Variants in FUT8 observed in about 807,000 individuals in gnomAD.
FUT8 encodes the protein fucosyltransferase 8.
A neutral mutation model predicts 71.3 loss-of-function variants in FUT8; 29 were observed. That is an observed-to-expected ratio of 0.41 (90% CI 0.30 to 0.55). The LOEUF is 0.55. Ranked by LOEUF, FUT8 falls within the 20% of genes least tolerant of loss-of-function variation. The probability of loss-of-function intolerance (pLI) is 0.34; values close to 1 mark genes in which losing one functional copy is unlikely to be tolerated. For missense variants in FUT8, 544 were observed against 702.1 expected (o/e 0.77, Z 2.55); for synonymous variants, 254 against 239.3 (o/e 1.06, Z -0.57).
intron 7 of FUT8, among the ~76,000 whole-genome samples, chr14:65,674,724 T>C (rs1035645566): frequency 6.6e-6 from 1 of 152,226 alleles, no homozygotes; most frequent in African/African-American, 2.4e-5. Flanking sequence ...TCAACATACC[T>C]AAGATAGAAG....
At chr14:65,456,871 C>CAA (rs1212475205) in intron 2 of FUT8, among the ~76,000 whole-genome samples, 34 of 100,808 alleles carry the variant, frequency 3.4e-4, no homozygotes, top group African/African-American at 9.2e-4. Flanking sequence ...GACTCTGTCT[C>CAA]AAAAAAAAAA....
intron 5 of FUT8, among the ~76,000 whole-genome samples, chr14:65,623,572 C>T (rs1189183602): frequency 3.9e-5 from 6 of 151,918 alleles, no homozygotes; most frequent in South Asian, 4.2e-4. Context: ...AAAAAAAGCT[C>T]GTCAGGCATG....
the FUT8 span, among the ~76,000 whole-genome samples, chr14:65,401,895 T>TAAAAAAAAAA: frequency 9.5e-6 from 1 of 105,266 alleles, no homozygotes; most frequent in Non-Finnish European, 1.9e-5. Context: ...AGACCCTGTC[T>TAAAAAAAAAA]AAAAAAAAAA....
chr14:65,553,075 C>A (rs1322705503), intron 2 of FUT8, among the ~76,000 whole-genome samples: 1 of 152,168 alleles, frequency 6.6e-6, no homozygotes, highest in Non-Finnish European at 1.5e-5. Flanking sequence ...CCCACCTCAG[C>A]CTCCCAAGGA....
chr14:65,577,412 T>C (rs1466517256), intron 3 of FUT8, among the ~76,000 whole-genome samples: 1 of 152,100 alleles, frequency 6.6e-6, no homozygotes, highest in Non-Finnish European at 1.5e-5. Context: ...AAAAAAGTCG[T>C]GTAAGGGGGC....
chr14:65,738,732 G>T (rs773263392), intron 10 of FUT8, among the ~76,000 whole-genome samples: 3 of 152,030 alleles, frequency 2.0e-5, no homozygotes, highest in Non-Finnish European at 4.4e-5. Context: ...GACTAAATGC[G>T]AACATTAACA....
chr14:65,399,046 C>T, the FUT8 span, among the ~76,000 whole-genome samples: 2 of 152,048 alleles, frequency 1.3e-5, no homozygotes, highest in African/African-American at 2.4e-5. Context: ...GAGCCGGGAA[C>T]GGTGGCTCAC....
At chr14:65,595,722 C>A (rs1187141067) in intron 3 of FUT8, among the ~76,000 whole-genome samples, 1 of 150,514 alleles carries the variant, frequency 6.6e-6, no homozygotes, top group African/African-American at 2.5e-5. Context: ...TGTTCTCCTG[C>A]CTCAGCCTCC....
intron 2 of FUT8, among the ~76,000 whole-genome samples, chr14:65,481,697 A>C (rs117111260): frequency 2.0e-5 from 3 of 151,566 alleles, no homozygotes; most frequent in Admixed American, 1.3e-4. Flanking sequence ...GTTTTTTTTT[A>C]AAATGGAACT....
the FUT8 span, among the ~76,000 whole-genome samples, chr14:65,360,503 T>C: frequency 6.6e-6 from 1 of 152,270 alleles, no homozygotes; most frequent in East Asian, 1.9e-4. Context: ...AGGACTGGCC[T>C]ATTAAAGGCA....
rs1239022072 is a variant in FUT8, at chr14:65,550,039, T to A, written c.-227-11298T>A. On this transcript the variant is annotated intron_variant, in intron 2 of 10. Transcript: ENST00000673929. This position sits in a 1 kb window ranked among gnomAD's most constrained non-coding sequence, Gnocchi z 4.5. Reference sequence around the variant, plus strand: ...TCTCGCCACTGCACTCCAGCCTGGGTGACAGAGCGAGACTCTGTCTAAAAA... The same window carrying A: ...TCTCGCCACTGCACTCCAGCCTGGGAGACAGAGCGAGACTCTGTCTAAAAA... Among the ~76,000 whole-genome samples, 1 of 152,066 alleles carries A rather than the reference T, an allele frequency of 6.6e-6. No homozygotes were observed. Among genetic ancestry groups the A allele is most frequent in the Non-Finnish European group, 1.5e-5 (1 of 68,008 alleles).
chr14:65,582,147 G>C (rs1426729316), intron 3 of FUT8, among the ~76,000 whole-genome samples: 1 of 152,050 alleles, frequency 6.6e-6, no homozygotes, highest in East Asian at 1.9e-4. Context: ...AGTTGAGCTA[G>C]CATTTTCTTC....
intron 3 of FUT8, among the ~76,000 whole-genome samples, chr14:65,591,648 G>A (rs1254569749): frequency 6.6e-6 from 1 of 152,018 alleles, no homozygotes; most frequent in African/African-American, 2.4e-5. Flanking sequence ...TTTTTCATTG[G>A]TGACATGAGG....
At chr14:65,530,796 G>A (rs749783209) in intron 2 of FUT8, among the ~76,000 whole-genome samples, 1 of 149,580 alleles carries the variant, frequency 6.7e-6, no homozygotes. Context: ...ATGCTCTTAC[G>A]TTCTCTCTCT....
At chr14:65,427,752 A>G (rs1595362093) in intron 1 of FUT8, among the ~76,000 whole-genome samples, 1 of 152,368 alleles carries the variant, frequency 6.6e-6, no homozygotes, top group East Asian at 1.9e-4. Flanking sequence ...AAATTTATAT[A>G]GTTGTGCAAC....
intron 9 of FUT8, among the ~76,000 whole-genome samples, chr14:65,731,631 A>T (rs1895985468): frequency 6.6e-6 from 1 of 152,114 alleles, no homozygotes; most frequent in South Asian, 2.1e-4. Context: ...GCTCTTTTGC[A>T]TGTAGAGATG....
At chr14:65,713,530 G>GAT (rs1372346218) in intron 7 of FUT8, among the ~76,000 whole-genome samples, 1 of 152,138 alleles carries the variant, frequency 6.6e-6, no homozygotes, top group Non-Finnish European at 1.5e-5. Flanking sequence ...CAGTGTATGA[G>GAT]GGTTCCCTTT....
At chr14:65,419,277 C>T (rs1224665605) in intron 1 of FUT8, among the ~76,000 whole-genome samples, 2 of 151,502 alleles carry the variant, frequency 1.3e-5, no homozygotes, top group African/African-American at 4.8e-5. Context: ...CAAAACAAAA[C>T]AAAAAAACAA....
chr14:65,697,822 A>G (rs1286711269), intron 7 of FUT8, among the ~76,000 whole-genome samples: 1 of 152,006 alleles, frequency 6.6e-6, no homozygotes. Context: ...AAAAATACAA[A>G]CAATTAGCTG....
Sources: gnomAD v4.1 joint callset for allele counts (sites outside exome capture counted in the v4.1 genomes callset) on GRCh38, gnomAD v4.1.1 for gene constraint, Gnocchi (gnomAD v3.1) non-coding constraint, MANE v1.5 for transcripts, NCBI Gene and HGNC (gene_info 2026-07-23, HGNC 2026-07-21) for gene names.